The following DMD variants were observed in gnomAD, a reference collection of about 807,000 sequenced individuals.
The protein encoded by DMD is mutant dystrophin.
In DMD, 63 loss-of-function variants were observed where a neutral mutation model predicts 330.1. That is an observed-to-expected ratio of 0.19 (90% confidence interval 0.16 to 0.24). The LOEUF (loss-of-function observed/expected upper bound fraction) is 0.24. Ranked by LOEUF, DMD falls within the 10% of genes least tolerant of loss-of-function variation. The probability of loss-of-function intolerance (pLI) is 1.00; values close to 1 mark genes in which losing one functional copy is unlikely to be tolerated. For missense variants in DMD, 3,344 were observed against 2,684.1 expected, an observed-to-expected ratio of 1.25 and a Z score of -5.43; for synonymous variants, 1,223 against 959.8, an observed-to-expected ratio of 1.27 and a Z score of -5.07.
chrX:31,858,961 A>G (rs1276940660), intron 48 of DMD, among the ~76,000 whole-genome samples: 1 of 112,011 alleles, frequency 8.9e-6, no homozygotes, highest in Non-Finnish European at 1.9e-5. Flanking sequence ...TAGAGGTATC[A>G]TAATTACAAA....
chrX:32,467,720 CAAT>C (rs1440556682), intron 23 of DMD, among the ~76,000 whole-genome samples: 2 of 106,362 alleles, frequency 1.9e-5, no homozygotes, highest in Non-Finnish European at 3.9e-5. Context: ...CTAAAAATGC[CAAT>C]AACACACATT....
Position 31,679,500 on chromosome X carries a change from T to C in DMD, c.7747A>G (p.Thr2583Ala), listed in dbSNP as rs773656507. Residue 2583 changes from threonine (T) to alanine (A), a missense_variant, in exon 53 of 79, where the codon ACA becomes GCA. Coordinates refer to ENST00000357033, the MANE Select transcript of DMD (RefSeq NM_004006.3). The stretch of plus-strand genomic sequence containing the variant: ...TCTTCCTTAGCTTCCAGCCATTGTG[T>C]TGAATCCTTTAACATTTCATTCAAC... ...QQLNEMLKDSTQWLEAKEEAE... is the reference protein window; with the variant it reads ...QQLNEMLKDSAQWLEAKEEAE... The C allele has an allele frequency of 6.4e-5, 78 of 1,210,553 alleles. 1 individual carries two copies. The South Asian group carries it at 1.3e-3, about 21-fold the overall frequency.
At chrX:31,632,230 G>A (rs1175766300) in intron 54 of DMD, among the ~76,000 whole-genome samples, 4 of 111,429 alleles carry the variant, frequency 3.6e-5, no homozygotes, top group African/African-American at 1.3e-4. Flanking sequence ...AAAGGAAAAA[G>A]GAAGGGAAAC....
At chrX:32,931,579 G>A (rs191110468) in intron 2 of DMD, among the ~76,000 whole-genome samples, 17 of 111,363 alleles carry the variant, frequency 1.5e-4, no homozygotes, top group African/African-American at 4.9e-4. Flanking sequence ...TCAAACAAAC[G>A]TATAAGCATA....
At chrX:31,417,352 C>T (rs1468330933) in intron 60 of DMD, among the ~76,000 whole-genome samples, 4 of 107,866 alleles carry the variant, frequency 3.7e-5, no homozygotes, top group Non-Finnish European at 7.7e-5. Context: ...AGTGCAGTGG[C>T]GCGATCTCGG....
At chrX:32,287,141 T>A (rs887179363) in intron 43 of DMD, among the ~76,000 whole-genome samples, 1 of 111,799 alleles carries the variant, frequency 8.9e-6, no homozygotes, top group African/African-American at 3.2e-5. Context: ...TCAATTTTTT[T>A]ATTGATAGGT....
intron 52 of DMD, among the ~76,000 whole-genome samples, chrX:31,682,339 C>CGTAA (rs1569225892): frequency 9.0e-6 from 1 of 111,279 alleles, no homozygotes; most frequent in Non-Finnish European, 1.9e-5. Flanking sequence ...TCTGTTTAAC[C>CGTAA]GTAAGTCTCT....
At chrX:31,235,332 C>T (rs2047619571) in intron 63 of DMD, among the ~76,000 whole-genome samples, 1 of 112,129 alleles carries the variant, frequency 8.9e-6, no homozygotes, top group Admixed American at 9.4e-5. Context: ...CTACATAAGC[C>T]ATGTTACTCA....
intron 2 of DMD, among the ~76,000 whole-genome samples, chrX:33,015,267 G>A (rs1487430063): frequency 2.7e-5 from 3 of 111,708 alleles, no homozygotes; most frequent in African/African-American, 9.8e-5. Context: ...CAACTCAAAT[G>A]CCCGTCAATG....
intron 1 of DMD, among the ~76,000 whole-genome samples, chrX:33,218,555 C>T (rs1283463532): frequency 2.7e-5 from 3 of 110,891 alleles, no homozygotes; most frequent in Admixed American, 9.6e-5. Flanking sequence ...AAAAATATAA[C>T]TAGTTTTCAG....
At chrX:32,030,757 A>C (rs1336197864) in intron 44 of DMD, among the ~76,000 whole-genome samples, 1 of 112,094 alleles carries the variant, frequency 8.9e-6, no homozygotes, top group Admixed American at 9.4e-5. Context: ...ATGGCCTAAT[A>C]AAAAAGTAGC....
intron 2 of DMD, among the ~76,000 whole-genome samples, chrX:32,884,548 T>A (rs929597714): frequency 1.3e-4 from 14 of 111,509 alleles, no homozygotes; most frequent in African/African-American, 4.2e-4. Context: ...TGACAGAAAA[T>A]TTGAACAAGT....
chrX:31,960,282 C>CA lies in DMD; in HGVS notation c.6614+8056dup, dbSNP rs757998969. ...CTCTCAAATGGTGGGAGCCAAGGTA[C>CA]ATGGTACCAGAAAGGATACTTGAAC... On this transcript the variant is annotated intron_variant, in intron 45 of 78. Transcript: ENST00000357033. 5.2e-3 allele frequency among the ~76,000 whole-genome samples: 581 copies of CA among 111,010 alleles called. 2 individuals are homozygous for CA. The highest frequency in any genetic ancestry group is 0.017 in the African/African-American group (531 of 30,522).
At chrX:32,028,773 A>G (rs1342899485) in intron 44 of DMD, among the ~76,000 whole-genome samples, 1 of 111,505 alleles carries the variant, frequency 9.0e-6, no homozygotes, top group African/African-American at 3.3e-5. Flanking sequence ...TGAGATCCCA[A>G]TGCGGCATCA....
At chrX:32,780,063 C>T (rs2074561822) in intron 7 of DMD, among the ~76,000 whole-genome samples, 1 of 111,619 alleles carries the variant, frequency 9.0e-6, no homozygotes, top group African/African-American at 3.3e-5. Flanking sequence ...ATATACTTCT[C>T]CCCTCATAGT....
chrX:31,558,859 T>G (rs1782747240), intron 55 of DMD, among the ~76,000 whole-genome samples: 1 of 111,145 alleles, frequency 9.0e-6, no homozygotes, highest in Non-Finnish European at 1.9e-5. Flanking sequence ...CTAACTATGT[T>G]GGTAAGGAGT....
In DMD at chrX:31,187,769, G is replaced by T. The variant is rs2041941628; in HGVS notation, c.9808-4865C>A. Among the ~76,000 whole-genome samples the T allele has an allele frequency of 5.1e-5, 4 of 78,977 alleles. No individual in the cohort carries two copies. The Admixed American group carries it at 5.1e-4, about 10-fold the overall frequency. The allele number at this position is 78,977 out of a possible 115,157, so 68.6% of individuals were successfully genotyped here. A position where few individuals can be genotyped will look rare whatever the true frequency, so the allele number is the denominator to read the frequency against. On this transcript the variant is annotated intron_variant, in intron 67 of 78. Coordinates refer to ENST00000357033, the MANE Select transcript of DMD (RefSeq NM_004006.3). Reference sequence around the variant, plus strand: ...AGAGAGAGAGAGAGAGAGAGAGAGAGAGAGAGAGAGAGAGAGAGAACAAGC... The same window carrying T: ...AGAGAGAGAGAGAGAGAGAGAGAGATAGAGAGAGAGAGAGAGAGAACAAGC...
intron 44 of DMD, among the ~76,000 whole-genome samples, chrX:32,083,515 C>T (rs756140990): frequency 5.4e-5 from 6 of 111,496 alleles, no homozygotes; most frequent in Non-Finnish European, 1.1e-4. Flanking sequence ...CCTCGGCCTC[C>T]CAAAGTGCTG....
intron 15 of DMD, among the ~76,000 whole-genome samples, chrX:32,567,020 T>C (rs948246486): frequency 1.8e-5 from 2 of 112,044 alleles, no homozygotes; most frequent in Admixed American, 9.5e-5. Context: ...AATGCACCAA[T>C]TGCCCATGAA....
Sources: gnomAD v4.1 joint callset for allele counts (sites outside exome capture counted in the v4.1 genomes callset) on GRCh38, gnomAD v4.1.1 for gene constraint, MANE v1.5 for transcripts, NCBI Gene and HGNC (gene_info 2026-07-23, HGNC 2026-07-21) for gene names.